Variants in LZTS2 observed in about 807,000 individuals in gnomAD.
LZTS2 encodes the protein leucine zipper putative tumor suppressor 2.
LZTS2 carries 32 observed loss-of-function variants against 60.6 expected under a neutral mutation model. The ratio of observed to expected loss-of-function variants is 0.53; its 90% CI spans 0.40 to 0.71. The LOEUF is 0.71. LZTS2 is among the 30% of genes least tolerant of loss of function. The pLI is 0.00. For missense variants in LZTS2, 792 were observed against 901.9 expected (o/e 0.88, Z 1.56); for synonymous variants, 360 against 393.1 (o/e 0.92, Z 1.00).
rs751113295 is a variant in LZTS2, at chr10:101,005,449, C to T, written c.1069-9C>T. On this transcript the variant is annotated splice_polypyrimidine_tract_variant and intron_variant, in intron 2 of 3. Transcript: ENST00000370220. ...TGCCCAGGAGCCAGGTCTCTCTTCT[C>T]GCCTGCAGGCATACGAGGAGCGGCA... The T allele has an allele frequency of 8.4e-6, 13 of 1,547,028 alleles. No homozygotes were observed. The highest frequency in any genetic ancestry group is 2.7e-5 in the African/African-American group (2 of 73,664).
In LZTS2 at chr10:101,005,473, C is replaced by T; in HGVS notation, c.1084C>T (p.Gln362Ter). 6.4e-7 allele frequency: 1 copy of T among 1,568,968 alleles called. No homozygotes were observed. Among genetic ancestry groups the T allele is most frequent in the Non-Finnish European group, 8.7e-7 (1 of 1,155,070 alleles). ...TCGCCTGCAGGCATACGAGGAGCGG[C>T]AGCGGCACTGGCAGCGAGAGCGTGA... is the stretch of plus-strand genomic sequence containing the variant. The change falls in exon 3 of 4, where the codon CAG becomes TAG. Residue 362 changes from glutamine (Q) to a stop codon, truncating the protein, a stop_gained. Transcript: ENST00000370220. LOFTEE classifies it high-confidence loss of function.
chr10:101,006,255 TGCTTTGAAGACACCA>T (rs1351295528), intron 3 of LZTS2, among the ~76,000 whole-genome samples: 1 of 152,248 alleles, frequency 6.6e-6, no homozygotes, highest in Non-Finnish European at 1.5e-5. Flanking sequence ...TGTCTTGTGA[TGCTTTGAAGACACCA>T]GCTTTGAAGC....
exon 4 of LZTS2, chr10:101,007,036 G>A: frequency 6.3e-7 from 1 of 1,591,306 alleles, no homozygotes; most frequent in Non-Finnish European, 8.5e-7. Context: ...AGATGTACCG[G>A]CGCAACCGGC....
In LZTS2 at chr10:101,001,294, A is replaced by G. The variant is rs997219446; in HGVS notation, c.-1245A>G. ...GGCTTTCTAATGACCCCTGATCCACATACTCTTCTAAGATATACACATGTG... is the reference window on the plus strand; with the variant it reads ...GGCTTTCTAATGACCCCTGATCCACGTACTCTTCTAAGATATACACATGTG... On this transcript the variant is annotated 5_prime_UTR_variant, in exon 1 of 4. Coordinates refer to ENST00000370220, the Ensembl canonical transcript of LZTS2. 2.6e-5 allele frequency: 4 copies of G among 152,402 alleles called. No homozygotes were observed. In the East Asian group the frequency reaches 7.7e-4, roughly 29 times the overall value. 9.4% of individuals were successfully genotyped at this position (152,402 alleles called of 1,614,324 possible). A position where few individuals can be genotyped will look rare whatever the true frequency, so the allele number is the denominator to read the frequency against.
At chr10:101,004,533 G>C (rs1402119676) in intron 2 of LZTS2, among the ~76,000 whole-genome samples, 1 of 152,190 alleles carries the variant, frequency 6.6e-6, no homozygotes, top group African/African-American at 2.4e-5. Flanking sequence ...AGCCCAGGAG[G>C]AGGAGGTTAC....
chr10:101,007,289 T>C, exon 4 of LZTS2: 2 of 1,423,762 alleles, frequency 1.4e-6, no homozygotes, highest in South Asian at 3.1e-5. Context: ...ACTTGTCTCC[T>C]AGGATCCAGG....
At chr10:101,003,037 G>T in intron 1 of LZTS2, 91 bp downstream of exon 2, 1 of 1,414,318 alleles carries the variant, frequency 7.1e-7, no homozygotes, top group Non-Finnish European at 9.4e-7. Flanking sequence ...AGGAAAGAGT[G>T]TGGGCTCCAG....
chr10:100,997,100 C>G (rs969512004), upstream of LZTS2: 2 of 152,632 alleles, frequency 1.3e-5, no homozygotes, highest in African/African-American at 4.8e-5. Flanking sequence ...GCGCCGGGAG[C>G]TGGGAGCCGG....
At chr10:101,002,366 C>T (rs985311308) in exon 1 of LZTS2, 8 of 542,428 alleles carry the variant, frequency 1.5e-5, no homozygotes, top group African/African-American at 1.9e-5. Flanking sequence ...AGATTCATTC[C>T]AGCACTTGAA....
chr10:101,006,528 TGAAA>T lies in LZTS2; in HGVS notation c.1373_1376del (p.Lys458SerfsTer152), dbSNP rs1223675874. The T allele has an allele frequency of 3.7e-6, 6 of 1,611,480 alleles. No homozygotes were observed. The highest frequency in any genetic ancestry group is 5.1e-6 in the Non-Finnish European group (6 of 1,179,716). On this transcript the variant is annotated frameshift_variant, in exon 4 of 4. Transcript: ENST00000370220. LOFTEE classifies it high-confidence loss of function. ...GAGATCTCCCTGCTGAAGCAGCAGC[TGAAA>T]GAGTCTCAGGCAGAGCTGGTGCAGA...
chr10:101,006,378 G>A, intron 3 of LZTS2, 107 bp from the exon 5 acceptor site: 2 of 1,449,944 alleles, frequency 1.4e-6, no homozygotes, highest in Non-Finnish European at 1.8e-6. Flanking sequence ...CTGTAAAATG[G>A]GGATAAAGAT....
chr10:101,006,853 C>T lies in LZTS2; in HGVS notation c.1695C>T (p.Ala565=), dbSNP rs775516858. Residue 565 remains alanine (A), a synonymous_variant, in exon 4 of 4, where the codon GCC becomes GCT. Coordinates refer to ENST00000370220, the Ensembl canonical transcript of LZTS2. ...AGGCCAAAGTGCAGCGGGCAGCAGC[C>T]GGGGTTGGGGGCAGCTTGCGGGCCC... 197 of 1,534,402 alleles carry T rather than the reference C, an allele frequency of 1.3e-4. 2 individuals carry two copies. Among genetic ancestry groups the T allele is most frequent in the Non-Finnish European group, 1.6e-4 (178 of 1,137,588 alleles).
chr10:101,006,334 G>T, intron 3 of LZTS2, 151 bp from the exon 5 acceptor site: 1 of 1,378,154 alleles, frequency 7.3e-7, no homozygotes, highest in Non-Finnish European at 9.6e-7. Flanking sequence ...GTATGACCTT[G>T]GACATGTCAC....
chr10:101,007,021 C>A lies in LZTS2; in HGVS notation c.1863C>A (p.Tyr621Ter). 1 of 1,580,504 alleles carries A rather than the reference C, an allele frequency of 6.3e-7. No individual in the cohort carries two copies. Among genetic ancestry groups the A allele is most frequent in the East Asian group, 2.3e-5 (1 of 43,554 alleles). The change falls in exon 4 of 4, where the codon TAC (tyrosine) becomes TAA (stop). Residue 621 changes from tyrosine (Y) to a stop codon, truncating the protein, a stop_gained. Transcript: ENST00000370220. LOFTEE classifies it high-confidence loss of function. ...ACCAGAAGCAGCTGCAGCACAACTA[C>A]ATCCAGATGTACCGGCGCAACCGGC...
upstream of LZTS2, chr10:100,997,338 G>C (rs1442041280): frequency 6.6e-6 from 1 of 152,182 alleles, no homozygotes; most frequent in Non-Finnish European, 1.5e-5. Context: ...GGGGTGAGGA[G>C]GGGGGTCCGC....
At chr10:101,007,403 T>A in exon 4 of LZTS2, 1 of 1,428,222 alleles carries the variant, frequency 7.0e-7, no homozygotes. Context: ...AGGCTCTTGT[T>A]ACTACCCACT....
exon 1 of LZTS2, chr10:101,002,655 C>T (rs557046161): frequency 2.1e-5 from 34 of 1,607,808 alleles, no homozygotes; most frequent in South Asian, 6.6e-5. Flanking sequence ...GGCCCTGTCC[C>T]GGGGGGCCAG....
At chr10:101,005,785 C>T in intron 3 of LZTS2, 70 bp downstream of exon 4, 1 of 1,438,858 alleles carries the variant, frequency 6.9e-7, no homozygotes, top group South Asian at 1.5e-5. Flanking sequence ...GGGCCCAGCC[C>T]CACCCTCCCT....
At chr10:100,998,156 G>GC (rs1851952655), upstream of LZTS2, among the ~76,000 whole-genome samples, 1 of 152,110 alleles carries the variant, frequency 6.6e-6, no homozygotes, top group South Asian at 2.1e-4. Context: ...GAGTGGGCCT[G>GC]CCCCCCTAGA....
Sources: allele counts gnomAD v4.1 joint callset (sites outside exome capture counted in the v4.1 genomes callset), GRCh38; gene constraint gnomAD v4.1.1; transcripts MANE v1.5; gene names NCBI Gene and HGNC (gene_info 2026-07-23, HGNC 2026-07-21).